Variants in CCNDBP1 observed in about 807,000 individuals in gnomAD.
The protein encoded by CCNDBP1 is cyclin-D1-binding protein 1.
Under a neutral mutation model 46.2 loss-of-function variants are expected in CCNDBP1, and 45 were observed. The observed-to-expected ratio is 0.97, with a 90% confidence interval of 0.77 to 1.25. The LOEUF (loss-of-function observed/expected upper bound fraction) is 1.25. Among genes scored for constraint, CCNDBP1 ranks in the 50% most tolerant of loss-of-function variants. The probability of loss-of-function intolerance (pLI) is 0.00; values close to 1 mark genes in which losing one functional copy is unlikely to be tolerated. For missense variants in CCNDBP1, 436 were observed against 442.1 expected, an observed-to-expected ratio of 0.99 and a Z score of 0.12; for synonymous variants, 154 against 163.6, an observed-to-expected ratio of 0.94 and a Z score of 0.45.
At chr15:43,192,947 C>A in intron 9 of CCNDBP1, 144 bp downstream of exon 9, 1 of 712,586 alleles carries the variant, frequency 1.4e-6, no homozygotes, top group Non-Finnish European at 2.4e-6. Context: ...TTCTTGCATG[C>A]GTTTGGGGTT....
rs775701485 is a variant in CCNDBP1, at chr15:43,194,860, A to G, written c.*19A>G. 1 of 1,440,764 alleles carries G rather than the reference A, an allele frequency of 6.9e-7. No individual in the cohort carries two copies. Among genetic ancestry groups the G allele is most frequent in the South Asian group, 1.1e-5 (1 of 87,432 alleles). The allele number at this position is 1,440,764 out of a possible 1,614,324, so 89.2% of individuals were successfully genotyped here. ...ATTATGACTTTTCAGGCTCATTTGT[A>G]CTCTCTTCCCCTCTCATCGTCATGG... On this transcript the variant is annotated 3_prime_UTR_variant, in exon 11 of 11. Transcript: ENST00000300213.
rs2142222041 is a variant in CCNDBP1, at chr15:43,186,199, T to C, written c.215T>C (p.Ile72Thr). Reference sequence around the variant, plus strand: ...TCAAGGGAAGCCACGACTCTGACCATAGTCTTCTCTCAGCTTCCACTGCCG... The same window carrying C: ...TCAAGGGAAGCCACGACTCTGACCACAGTCTTCTCTCAGCTTCCACTGCCG... ...TVSREATTLT[I>T]VFSQLPLPSP... The change falls in exon 3 of 11, where the codon ATA becomes ACA. Residue 72 changes from isoleucine to threonine, a missense_variant. Physicochemically the swap from Ile to Thr is moderately conservative, Grantham distance 89. Coordinates refer to ENST00000300213, the MANE Select transcript of CCNDBP1 (RefSeq NM_012142.5). 1 of 1,614,194 alleles carries C rather than the reference T, an allele frequency of 6.2e-7. No homozygotes were observed. Among genetic ancestry groups the C allele is most frequent in the East Asian group, 2.2e-5 (1 of 44,880 alleles).
At chr15:43,192,920 C>A in intron 9 of CCNDBP1, 117 bp downstream of exon 9, 2 of 908,948 alleles carry the variant, frequency 2.2e-6, no homozygotes, top group South Asian at 1.4e-5. Context: ...GATGGAAGTA[C>A]AACAGTAATG....
rs1198699174 is a variant in CCNDBP1 at position 43,192,739 on chromosome 15, T to C, written c.861-4T>C. The C allele has an allele frequency of 6.2e-7, 1 of 1,614,096 alleles. No individual in the cohort carries two copies. On this transcript the variant is annotated splice_region_variant and splice_polypyrimidine_tract_variant and intron_variant, in intron 8 of 10. Coordinates refer to ENST00000300213, the MANE Select transcript of CCNDBP1 (RefSeq NM_012142.5). ...TAATGATTACTTTTGTTTTCTGCTCTTAGTGTGGATGATTTGGCTCTGAGC... is the reference window on the plus strand; with the variant it reads ...TAATGATTACTTTTGTTTTCTGCTCCTAGTGTGGATGATTTGGCTCTGAGC...
intron 3 of CCNDBP1, among the ~76,000 whole-genome samples, chr15:43,186,664 A>G (rs1032046865): frequency 4.6e-5 from 7 of 152,114 alleles, no homozygotes; most frequent in Non-Finnish European, 1.0e-4. Flanking sequence ...TACCCTTTTT[A>G]TATTATTTTT....
intron 7 of CCNDBP1, 121 bp from the exon 8 acceptor site, chr15:43,191,274 A>T: frequency 9.8e-7 from 1 of 1,023,170 alleles, no homozygotes; most frequent in Non-Finnish European, 1.4e-6. Context: ...TGTAGCCCTT[A>T]GTGAAGTGGC....
intron 4 of CCNDBP1, chr15:43,189,834 A>G: frequency 1.9e-6 from 1 of 538,840 alleles, no homozygotes; most frequent in Admixed American, 3.4e-5. Flanking sequence ...TGTCACGGAA[A>G]GATTTTGTTC....
chr15:43,189,900 T>G, intron 4 of CCNDBP1, 155 bp from the exon 5 acceptor site: 1 of 600,998 alleles, frequency 1.7e-6, no homozygotes, highest in Non-Finnish European at 2.9e-6. Flanking sequence ...GAAAATGCCA[T>G]GGGGATATAA....
At chr15:43,187,296 G>A (rs1274619095) in intron 3 of CCNDBP1, among the ~76,000 whole-genome samples, 2 of 148,750 alleles carry the variant, frequency 1.3e-5, no homozygotes, top group Non-Finnish European at 3.0e-5. Flanking sequence ...TTGAGACAGA[G>A]TCTCTCTCTG....
Position 43,192,815 on chromosome 15 carries a change from C to CTT in CCNDBP1, c.921+14_921+15dup, listed in dbSNP as rs2142238663. The CTT allele has an allele frequency of 1.9e-6, 3 of 1,612,446 alleles. No individual in the cohort carries two copies. The East Asian group carries it at 6.7e-5, about 36-fold the overall frequency. ...CCGTGCGAATCAATGTAAGTACTGG[C>CTT]TTTGAGGGAATAGCTACAGAACAAA... On this transcript the variant is annotated intron_variant, in intron 9 of 10. Coordinates refer to ENST00000300213, the MANE Select transcript of CCNDBP1 (RefSeq NM_012142.5).
chr15:43,191,441 A>G lies in CCNDBP1; in HGVS notation c.626A>G (p.Glu209Gly). The G allele has an allele frequency of 6.3e-7, 1 of 1,580,856 alleles. No homozygotes were observed. The highest frequency in any genetic ancestry group is 8.6e-7 in the Non-Finnish European group (1 of 1,164,774). The change falls in exon 8 of 11, where the codon GAG becomes GGG. Residue 209 changes from glutamate to glycine, a missense_variant. Transcript: ENST00000300213. ...TACTCTGGCCTCTTGAATGATACTG[A>G]GGAGAACAACTCTGACAACCACAAT... ...DPYSGLLNDT[E>G]ENNSDNHNHE...
intron 6 of CCNDBP1, 147 bp downstream of exon 6, chr15:43,190,545 A>T: frequency 1.6e-6 from 1 of 619,776 alleles, no homozygotes; most frequent in Non-Finnish European, 2.8e-6. Context: ...ATAGGTAGGT[A>T]TTAATACTTT....
In CCNDBP1 at chr15:43,190,411, G is replaced by A; in HGVS notation, c.502+13G>A. The A allele has an allele frequency of 6.2e-7, 1 of 1,612,276 alleles. No homozygotes were observed. Among genetic ancestry groups the A allele is most frequent in the South Asian group, 1.1e-5 (1 of 91,020 alleles). On this transcript the variant is annotated intron_variant, in intron 6 of 10. Transcript: ENST00000300213. ...CAGATACCAAGAGGTGAGTGAAAGT[G>A]GGCAGTGGGCCATGTCTGCTGGCCA...
chr15:43,186,047 C>T, intron 2 of CCNDBP1, 107 bp from the exon 3 acceptor site: 1 of 1,247,176 alleles, frequency 8.0e-7, no homozygotes, highest in South Asian at 1.2e-5. Context: ...ATTCTAACCT[C>T]GACATTCGGG....
chr15:43,192,832 C>A, intron 9 of CCNDBP1, 29 bp downstream of exon 9: 1 of 1,599,144 alleles, frequency 6.3e-7, no homozygotes, highest in Non-Finnish European at 8.6e-7. Flanking sequence ...GGAATAGCTA[C>A]AGAACAAATG....
intron 3 of CCNDBP1, among the ~76,000 whole-genome samples, chr15:43,187,432 G>A (rs990526747): frequency 2.0e-5 from 3 of 152,060 alleles, no homozygotes; most frequent in East Asian, 1.9e-4. Context: ...ACCACGCCTG[G>A]CTAATTTTTG....
chr15:43,192,399 G>A (rs2041968554), intron 8 of CCNDBP1, among the ~76,000 whole-genome samples: 1 of 152,182 alleles, frequency 6.6e-6, no homozygotes, highest in Non-Finnish European at 1.5e-5. Context: ...GCTCACTTTA[G>A]TAAAGGTATA....
At chr15:43,194,108 T>C in intron 9 of CCNDBP1, 1 of 386,854 alleles carries the variant, frequency 2.6e-6, no homozygotes, top group Admixed American at 4.3e-5. Flanking sequence ...GCTTTATATT[T>C]TGAGCTATCA....
At position 43,190,094 on chromosome 15, in the gene CCNDBP1, A is replaced by G. The variant is rs777658716; in HGVS notation, c.371A>G (p.Asp124Gly). 34 of 1,614,038 alleles carry G rather than the reference A, an allele frequency of 2.1e-5. No homozygotes were observed. The highest frequency in any genetic ancestry group is 6.7e-5 in the Admixed American group (4 of 60,000). The change falls in exon 5 of 11, where the codon GAC becomes GGC. Residue 124 changes from aspartate to glycine, a missense_variant. Asp to Gly is a moderately conservative substitution (Grantham distance 94, BLOSUM62 -1). Coordinates refer to ENST00000300213, the MANE Select transcript of CCNDBP1 (RefSeq NM_012142.5). The stretch of plus-strand genomic sequence containing the variant: ...AAGCTGGTACGGGGCGCCACCCTGG[A>G]CATCGTGGATGGCATGGCTCAGCTC... ...LRKLVRGATL[D>G]IVDGMAQLME...
Sources: gnomAD v4.1 joint callset for allele counts (sites outside exome capture counted in the v4.1 genomes callset) on GRCh38, gnomAD v4.1.1 for gene constraint, MANE v1.5 for transcripts, NCBI Gene and HGNC (gene_info 2026-07-23, HGNC 2026-07-21) for gene names.